SAR1B: variants seen among roughly 807,000 people sequenced by gnomAD.
The protein encoded by SAR1B is secretion associated Ras related GTPase 1B.
SAR1B carries 23 observed loss-of-function variants against 26.8 expected under a neutral mutation model. That is an observed-to-expected ratio of 0.86 (90% confidence interval 0.62 to 1.22). The LOEUF (loss-of-function observed/expected upper bound fraction) is 1.22, where lower values mean the gene tolerates loss of function less well. Among genes scored for constraint, SAR1B ranks in the 50% most tolerant of loss-of-function variants. The pLI, the probability that SAR1B is intolerant of heterozygous loss-of-function variation, is 0.00. For missense variants in SAR1B, 196 were observed against 232.8 expected, an observed-to-expected ratio of 0.84 and a Z score of 1.03; for synonymous variants, 65 against 80.8, an observed-to-expected ratio of 0.80 and a Z score of 1.05.
chr5:134,614,203 C>G (rs1247130780), intron 3 of SAR1B: 1 of 152,138 alleles, frequency 6.6e-6, no homozygotes, highest in Non-Finnish European at 1.5e-5. Flanking sequence ...TTTTTCATTT[C>G]TAGAAGTTTC....
chr5:134,609,164 T>A (rs932645011), intron 5 of SAR1B: 39 of 455,228 alleles, frequency 8.6e-5, no homozygotes, highest in African/African-American at 6.4e-4. Context: ...TAGCTACATA[T>A]GCCTCTGCTC....
At chr5:134,610,542 G>A (rs1481585978) in intron 4 of SAR1B, among the ~76,000 whole-genome samples, 1 of 138,708 alleles carries the variant, frequency 7.2e-6, no homozygotes, top group Non-Finnish European at 1.5e-5. Flanking sequence ...ACTCCAGCCT[G>A]GGTGACAGAG....
At chr5:134,616,289 T>C (rs1765315524) in intron 3 of SAR1B, among the ~76,000 whole-genome samples, 1 of 151,610 alleles carries the variant, frequency 6.6e-6, no homozygotes, top group African/African-American at 2.4e-5. Flanking sequence ...ATACAAAAAT[T>C]AGCCGGGAGT....
At chr5:134,623,879 A>G in intron 2 of SAR1B, 83 bp downstream of exon 2, 1 of 934,248 alleles carries the variant, frequency 1.1e-6, no homozygotes, top group African/African-American at 1.6e-5. Flanking sequence ...TGGCTTATCT[A>G]TAAAGAGACT....
chr5:134,611,778 T>C (rs1436249113), intron 4 of SAR1B, among the ~76,000 whole-genome samples: 1 of 151,814 alleles, frequency 6.6e-6, no homozygotes, highest in African/African-American at 2.4e-5. Context: ...CATGTGCGGA[T>C]GGGGATGGCA....
intron 5 of SAR1B, 148 bp downstream of exon 5, chr5:134,609,423 A>C: frequency 1.4e-6 from 1 of 699,132 alleles, no homozygotes; most frequent in Non-Finnish European, 2.6e-6. Flanking sequence ...AGTAATCACT[A>C]CTTAAAGCAA....
chr5:134,624,759 C>G (rs12153095), intron 1 of SAR1B, among the ~76,000 whole-genome samples: 1 of 151,542 alleles, frequency 6.6e-6, no homozygotes, highest in Non-Finnish European at 1.5e-5. Flanking sequence ...TCTCGAGTAG[C>G]TGGGATTACA....
Position 134,606,390 on chromosome 5 carries a change from G to A in SAR1B, c.*560C>T, listed in dbSNP as rs983374876. Reference sequence around the variant, plus strand: ...TCAAATTTTCAGAGTATACTAGCTAGATAAGACACATTTAAATGAAACATT... The same window carrying A: ...TCAAATTTTCAGAGTATACTAGCTAAATAAGACACATTTAAATGAAACATT... On this transcript the variant is annotated 3_prime_UTR_variant, in exon 7 of 7. Transcript: ENST00000402673. 1.8e-5 allele frequency: 3 copies of A among 166,008 alleles called. No homozygotes were observed. The highest frequency in any genetic ancestry group is 1.7e-4 in the Admixed American group (3 of 17,612). 10.3% of individuals were successfully genotyped at this position (166,008 alleles called of 1,614,324 possible).
intron 2 of SAR1B, among the ~76,000 whole-genome samples, chr5:134,622,662 G>A (rs1361915947): frequency 2.7e-5 from 4 of 150,922 alleles, no homozygotes; most frequent in East Asian, 4.0e-4. Context: ...TGCCTGCCTC[G>A]GCCTCCAAAA....
intron 3 of SAR1B, among the ~76,000 whole-genome samples, chr5:134,620,133 C>T (rs920870730): frequency 4.6e-5 from 7 of 151,966 alleles, no homozygotes; most frequent in Non-Finnish European, 7.4e-5. Flanking sequence ...GGAGAAACCC[C>T]GTCTCTACCG....
intron 1 of SAR1B, among the ~76,000 whole-genome samples, chr5:134,628,488 C>T (rs1397608620): frequency 2.0e-5 from 3 of 151,890 alleles, no homozygotes; most frequent in African/African-American, 7.3e-5. Flanking sequence ...CATGGTAATG[C>T]TATGGTGAAA....
rs1765631934 is a variant in SAR1B at position 134,632,819 on chromosome 5, T to C, written c.-110A>G. The C allele has an allele frequency of 6.6e-6, 1 of 152,254 alleles. No individual in the cohort carries two copies. Among genetic ancestry groups the C allele is most frequent in the Non-Finnish European group, 1.5e-5 (1 of 68,118 alleles). 9.4% of individuals were successfully genotyped at this position (152,254 alleles called of 1,614,324 possible). A position where few individuals can be genotyped will look rare whatever the true frequency, so the allele number is the denominator to read the frequency against. On this transcript the variant is annotated 5_prime_UTR_variant, in exon 1 of 7. Transcript: ENST00000402673. ...GCGCGATGGCTGCCGTGGCCCCAGT[T>C]CGCATCAGCCCCTTCCGGGCCGGCG...
At position 134,612,680 on chromosome 5, in the gene SAR1B, A is replaced by G. The variant is rs1475223186; in HGVS notation, c.244+11T>C. 2.9e-6 allele frequency: 3 copies of G among 1,043,348 alleles called. No homozygotes were observed. Among genetic ancestry groups the G allele is most frequent in the Non-Finnish European group, 3.9e-6 (3 of 760,646 alleles). The allele number at this position is 1,043,348 out of a possible 1,614,324, so 64.6% of individuals were successfully genotyped here. ...AAAAAAAAAAAAAAAAAAAAAAAAA[A>G]AGAATCTTACCTTGAACATGTCCAC... On this transcript the variant is annotated intron_variant, in intron 4 of 6. Coordinates refer to ENST00000402673, the MANE Select transcript of SAR1B (RefSeq NM_016103.4).
At chr5:134,609,911 A>G (rs1199009498) in intron 4 of SAR1B, among the ~76,000 whole-genome samples, 1 of 151,716 alleles carries the variant, frequency 6.6e-6, no homozygotes, top group South Asian at 2.1e-4. Context: ...TCCAATTATC[A>G]TATGTAAGGA....
chr5:134,631,259 T>C (rs1171330041), intron 1 of SAR1B, among the ~76,000 whole-genome samples: 1 of 152,200 alleles, frequency 6.6e-6, no homozygotes, highest in East Asian at 1.9e-4. Context: ...AGTGCATCTC[T>C]GACATTTCTA....
chr5:134,601,387 G>A lies in SAR1B; in HGVS notation c.*5563C>T, dbSNP rs562188113. 18 of 152,106 alleles carry A rather than the reference G, an allele frequency of 1.2e-4. No homozygotes were observed. Among genetic ancestry groups the A allele is most frequent in the Non-Finnish European group, 1.8e-4 (12 of 68,024 alleles). 9.4% of individuals were successfully genotyped at this position (152,106 alleles called of 1,614,324 possible). A position where few individuals can be genotyped will look rare whatever the true frequency, so the allele number is the denominator to read the frequency against. ...ATTGAAAATTCACACCAAGATCCTA[G>A]TGCAAGCAGTGGTGTACAAAAGTGC... On this transcript the variant is annotated 3_prime_UTR_variant, in exon 7 of 7. Transcript: ENST00000402673.
rs1173670741 is a variant in SAR1B, at chr5:134,601,559, T to G, written c.*5391A>C. The stretch of plus-strand genomic sequence containing the variant: ...TATGTTCACCCTGAGTGCTCTTGCC[T>G]CAGTATGGCAACTGATTATGAGTTC... On this transcript the variant is annotated 3_prime_UTR_variant, in exon 7 of 7. Transcript: ENST00000402673. The G allele has an allele frequency of 6.6e-6, 1 of 152,212 alleles. No homozygotes were observed. The highest frequency in any genetic ancestry group is 1.5e-5 in the Non-Finnish European group (1 of 68,042). 9.4% of individuals were successfully genotyped at this position (152,212 alleles called of 1,614,324 possible). A position where few individuals can be genotyped will look rare whatever the true frequency, so the allele number is the denominator to read the frequency against.
chr5:134,607,095 A>C (rs759150360), intron 6 of SAR1B, 29 bp from the exon 7 acceptor site: 2 of 1,357,044 alleles, frequency 1.5e-6, no homozygotes, highest in Admixed American at 3.4e-5. Context: ...ATTTCGTTGG[A>C]ATTTTATAAA....
At chr5:134,609,776 C>A (rs1765183964) in intron 4 of SAR1B, 102 bp from the exon 5 acceptor site, 1 of 823,620 alleles carries the variant, frequency 1.2e-6, no homozygotes, top group Non-Finnish European at 2.1e-6. Context: ...AATCCCTTAG[C>A]TGCTGGTACT....
Sources: allele counts gnomAD v4.1 joint callset (sites outside exome capture counted in the v4.1 genomes callset), GRCh38; gene constraint gnomAD v4.1.1; transcripts MANE v1.5; gene names NCBI Gene and HGNC (gene_info 2026-07-23, HGNC 2026-07-21).